EPSTI1: variants seen among roughly 807,000 people sequenced by gnomAD.
EPSTI1 encodes the protein epithelial-stromal interaction protein 1.
A neutral mutation model predicts 49.9 loss-of-function variants in EPSTI1; 66 were observed. That is an observed-to-expected ratio of 1.32 (90% CI 1.08 to 1.62). The LOEUF is 1.62. Ranked by LOEUF, EPSTI1 falls within the 40% of genes most tolerant of loss-of-function variation. The pLI, the probability that EPSTI1 is intolerant of heterozygous loss-of-function variation, is 0.00. For synonymous variants in EPSTI1, 137 were observed against 130.7 expected, an observed-to-expected ratio of 1.05 and a Z score of -0.33; for missense variants, 394 against 365.5, an observed-to-expected ratio of 1.08 and a Z score of -0.64.
intron 1 of EPSTI1, among the ~76,000 whole-genome samples, chr13:42,973,488 A>C (rs929790347): frequency 1.2e-4 from 19 of 152,232 alleles, no homozygotes; most frequent in Admixed American, 1.2e-3. Flanking sequence ...GTCCCAAGAA[A>C]GCATTGCCAA....
chr13:42,921,215 A>G (rs1317878954), intron 7 of EPSTI1, among the ~76,000 whole-genome samples: 1 of 152,144 alleles, frequency 6.6e-6, no homozygotes, highest in African/African-American at 2.4e-5. Context: ...GAATGCCAGA[A>G]AAAGAAAAGA....
rs184636426 is a variant in EPSTI1, at chr13:42,939,165, T to G, written c.564-12736A>C. 1.1e-4 allele frequency among the ~76,000 whole-genome samples: 16 copies of G among 152,348 alleles called. No individual in the cohort carries two copies. The East Asian group carries it at 2.9e-3, about 28-fold the overall frequency. On this transcript the variant is annotated intron_variant, in intron 6 of 10. Coordinates refer to ENST00000313624, the MANE Select transcript of EPSTI1 (RefSeq NM_033255.5). ...ACAGTGTTAGGGCCTTGCTCTAGCT[T>G]AGGCTTTGGCTTAAGGGAATGTTTT...
At chr13:42,935,394 A>G (rs1459715554) in intron 6 of EPSTI1, among the ~76,000 whole-genome samples, 4 of 152,190 alleles carry the variant, frequency 2.6e-5, no homozygotes, top group African/African-American at 4.8e-5. Context: ...ACCTAGATCA[A>G]GTCAACCATC....
At chr13:42,916,976 T>C (rs1409679251) in intron 8 of EPSTI1, among the ~76,000 whole-genome samples, 2 of 152,200 alleles carry the variant, frequency 1.3e-5, no homozygotes, top group Admixed American at 6.5e-5. Context: ...CACATTGTAA[T>C]GAAGATTATT....
rs781264457 is a variant in EPSTI1 at position 42,926,433 on chromosome 13, C to A, written c.564-4G>T. The A allele has an allele frequency of 6.3e-7, 1 of 1,587,740 alleles. No homozygotes were observed. Reference sequence around the variant, plus strand: ...GCTCAAGAACTCAGCGGTTTTGCTACCAGAAACACAAACAGGTGTTAGTGC... The same window carrying A: ...GCTCAAGAACTCAGCGGTTTTGCTAACAGAAACACAAACAGGTGTTAGTGC... On this transcript the variant is annotated splice_polypyrimidine_tract_variant and splice_region_variant and intron_variant, in intron 6 of 10. Coordinates refer to ENST00000313624, the MANE Select transcript of EPSTI1 (RefSeq NM_033255.5).
chr13:42,895,685 A>G (rs965327191), intron 9 of EPSTI1, among the ~76,000 whole-genome samples: 4 of 152,172 alleles, frequency 2.6e-5, no homozygotes, highest in Admixed American at 6.5e-5. Context: ...TGTTTTGTGG[A>G]CCTTTCTGTG....
intron 6 of EPSTI1, among the ~76,000 whole-genome samples, chr13:42,948,425 G>GTT (rs1237479085): frequency 0.029 from 3,691 of 127,956 alleles, 142 homozygotes; most frequent in African/African-American, 0.094. Flanking sequence ...GTGGCTTGTT[G>GTT]TTTTTTTTTT....
In EPSTI1 at chr13:42,963,854, C is replaced by A. The variant is rs1026749950; in HGVS notation, c.405+212G>T. ...AAAAATAATTCCCTTAATCGAGGGT[C>A]ATGCTGAGTGATAAAGGGCTTAGGT... On this transcript the variant is annotated intron_variant, in intron 4 of 10. Transcript: ENST00000313624. Among the ~76,000 whole-genome samples the A allele has an allele frequency of 2.0e-5, 3 of 152,148 alleles. No homozygotes were observed. The East Asian group carries it at 5.8e-4, about 29-fold the overall frequency.
chr13:42,956,125 A>G (rs1168620949), intron 5 of EPSTI1, among the ~76,000 whole-genome samples: 4 of 152,254 alleles, frequency 2.6e-5, no homozygotes, highest in Non-Finnish European at 5.9e-5. Flanking sequence ...GTAAGAATGC[A>G]GAAAAAGCAC....
chr13:42,897,542 C>A (rs1198316992), intron 9 of EPSTI1, among the ~76,000 whole-genome samples: 1 of 152,210 alleles, frequency 6.6e-6, no homozygotes, highest in Non-Finnish European at 1.5e-5. Flanking sequence ...ACGTTCTTCA[C>A]CCCTGAAAAC....
chr13:42,919,119 C>T (rs964556381), intron 7 of EPSTI1, among the ~76,000 whole-genome samples: 1 of 152,066 alleles, frequency 6.6e-6, no homozygotes, highest in Admixed American at 6.6e-5. Flanking sequence ...TCCCTTTAAA[C>T]TTGTCATTTT....
At chr13:42,897,078 C>T (rs1031089796) in intron 9 of EPSTI1, among the ~76,000 whole-genome samples, 9 of 143,368 alleles carry the variant, frequency 6.3e-5, no homozygotes, top group Non-Finnish European at 1.1e-4. Flanking sequence ...CCAGCCTGGG[C>T]GACAGAGCAA....
intron 1 of EPSTI1, among the ~76,000 whole-genome samples, chr13:42,978,179 C>G (rs1341295395): frequency 6.6e-6 from 1 of 151,642 alleles, no homozygotes; most frequent in Non-Finnish European, 1.5e-5. Context: ...GTTTATTTTG[C>G]CAAGGTTGAG....
At chr13:42,897,592 G>A (rs1361378792) in intron 9 of EPSTI1, among the ~76,000 whole-genome samples, 1 of 152,164 alleles carries the variant, frequency 6.6e-6, no homozygotes, top group Non-Finnish European at 1.5e-5. Context: ...CAGCTCACTG[G>A]CAATTGCTCT....
At chr13:42,890,296 C>CTTTTCTTTTT (rs1470146396) in intron 10 of EPSTI1, among the ~76,000 whole-genome samples, 208 of 116,286 alleles carry the variant, frequency 1.8e-3, no homozygotes, top group African/African-American at 6.1e-3. Flanking sequence ...TTTTTCTTTT[C>CTTTTCTTTTT]TTTTTTTTTT....
intron 1 of EPSTI1, among the ~76,000 whole-genome samples, chr13:42,977,446 G>T (rs1002720513): frequency 2.6e-5 from 4 of 152,208 alleles, no homozygotes; most frequent in African/African-American, 9.6e-5. Flanking sequence ...AGACATAAGT[G>T]GAAGTCACGG....
intron 6 of EPSTI1, among the ~76,000 whole-genome samples, chr13:42,938,438 T>A (rs1056508315): frequency 9.2e-5 from 14 of 152,126 alleles, no homozygotes; most frequent in African/African-American, 3.4e-4. Context: ...CATATTTTTT[T>A]AAGGGCCCTA....
rs1328161023 is a variant in EPSTI1 at position 42,964,065 on chromosome 13, C to T, written c.405+1G>A. ...TTCAACTAAAAGAGATGAATTCTGA[C>T]CTTTTGCTTGTATTTAGATTGCATC... On this transcript the variant is annotated splice_donor_variant, in intron 4 of 10. Coordinates refer to ENST00000313624, the MANE Select transcript of EPSTI1 (RefSeq NM_033255.5). LOFTEE classifies it high-confidence loss of function. 6.2e-7 allele frequency: 1 copy of T among 1,612,540 alleles called. No individual in the cohort carries two copies. Among genetic ancestry groups the T allele is most frequent in the East Asian group, 2.2e-5 (1 of 44,768 alleles).
chr13:42,951,510 TG>T, intron 6 of EPSTI1, among the ~76,000 whole-genome samples: 1 of 152,274 alleles, frequency 6.6e-6, no homozygotes, highest in East Asian at 1.9e-4. Flanking sequence ...AAGAGTGAAA[TG>T]TGTGTGTAAT....
Sources: gnomAD v4.1 joint callset for allele counts (sites outside exome capture counted in the v4.1 genomes callset) on GRCh38, gnomAD v4.1.1 for gene constraint, MANE v1.5 for transcripts, NCBI Gene and HGNC (gene_info 2026-07-23, HGNC 2026-07-21) for gene names.